SPATA1: variants seen among roughly 807,000 people sequenced by gnomAD.
The protein encoded by SPATA1 is spermatogenesis-associated protein 1.
A neutral mutation model predicts 59.6 loss-of-function variants in SPATA1; 57 were observed. That is an observed-to-expected ratio of 0.96 (90% CI 0.77 to 1.19). The LOEUF is 1.19. Ranked by LOEUF, SPATA1 falls within the 50% of genes most tolerant of loss-of-function variation. The pLI, the probability that SPATA1 is intolerant of heterozygous loss-of-function variation, is 0.00. For missense variants in SPATA1, 448 were observed against 480.7 expected, an observed-to-expected ratio of 0.93 and a Z score of 0.64; for synonymous variants, 147 against 163.9, an observed-to-expected ratio of 0.90 and a Z score of 0.79.
At chr1:84,554,864 A>T (rs1281922140), downstream of SPATA1, 1 of 708,748 alleles carries the variant, frequency 1.4e-6, no homozygotes. Flanking sequence ...AAATTCAAAC[A>T]ATCAAAACAT....
rs182706117 is a variant in SPATA1, at chr1:84,507,788, T to A, written c.-138+1370T>A. The stretch of plus-strand genomic sequence containing the variant: ...GGAAGAGATTTTAGGGAATATATGG[T>A]CCAATAATTACTTCTGTGAGGGAGA... On this transcript the variant is annotated intron_variant, in intron 1 of 12. Coordinates refer to ENST00000490879, the Ensembl canonical transcript of SPATA1. Among the ~76,000 whole-genome samples the A allele has an allele frequency of 1.1e-3, 166 of 152,200 alleles. 2 individuals carry two copies. The highest frequency in any genetic ancestry group is 1.6e-3 in the Non-Finnish European group (109 of 68,006).
chr1:84,516,049 A>AATTTGTC (rs1338885265), intron 1 of SPATA1, among the ~76,000 whole-genome samples, 174 bp from the exon 2 acceptor site: 1 of 152,168 alleles, frequency 6.6e-6, no homozygotes, highest in East Asian at 1.9e-4. Flanking sequence ...ATTATAATGT[A>AATTTGTC]ATTTGTCATG....
At chr1:84,530,547 TC>T (rs1448907976) in intron 6 of SPATA1, among the ~76,000 whole-genome samples, 1 of 152,112 alleles carries the variant, frequency 6.6e-6, no homozygotes, top group East Asian at 1.9e-4. Context: ...GGATTTTAGT[TC>T]TAGAAAAACA....
At chr1:84,546,703 C>A (rs1481225095) in intron 10 of SPATA1, among the ~76,000 whole-genome samples, 1 of 152,146 alleles carries the variant, frequency 6.6e-6, no homozygotes. Flanking sequence ...GTTTACCTGC[C>A]TATTTCCTAT....
At chr1:84,537,609 C>T (rs183962073) in intron 8 of SPATA1, among the ~76,000 whole-genome samples, 39 of 152,280 alleles carry the variant, frequency 2.6e-4, no homozygotes, top group African/African-American at 8.7e-4. Context: ...AATTTCCTTA[C>T]CTTCCTAAAT....
chr1:84,538,625 CT>C (rs962413691), intron 8 of SPATA1, among the ~76,000 whole-genome samples: 5 of 152,082 alleles, frequency 3.3e-5, no homozygotes, highest in African/African-American at 1.2e-4. Flanking sequence ...CTTTGTGGAC[CT>C]TTTTTGGAAT....
intron 9 of SPATA1, among the ~76,000 whole-genome samples, chr1:84,544,554 A>C (rs1289911004): frequency 6.6e-6 from 1 of 151,370 alleles, no homozygotes; most frequent in Non-Finnish European, 1.5e-5. Context: ...AAATTATAGG[A>C]ATTTTATTTT....
downstream of SPATA1, among the ~76,000 whole-genome samples, chr1:84,556,710 CAA>C (rs11417377): frequency 1.9e-4 from 18 of 93,466 alleles, no homozygotes; most frequent in Middle Eastern, 5.3e-3. Context: ...GACTCCGTCT[CAA>C]AAAAAAAAAA....
At position 84,553,098 on chromosome 1, in the gene SPATA1, AT is replaced by A. The variant is rs1222892624; in HGVS notation, c.1289del (p.Ile430LysfsTer40). On this transcript the variant is annotated frameshift_variant, in exon 13 of 13. Transcript: ENST00000490879. LOFTEE classifies it low-confidence loss of function (END_TRUNC). ...AACTGAACTGGCACAGAAAAAAAAA[AT>A]AATACATCTCTACAATCTCAATTAG... is the stretch of plus-strand genomic sequence containing the variant. 6.6e-6 allele frequency: 10 copies of A among 1,519,792 alleles called. No homozygotes were observed. In the South Asian group the frequency reaches 7.7e-5, roughly 12 times the overall value. 94.1% of individuals were successfully genotyped at this position (1,519,792 alleles called of 1,614,324 possible).
downstream of SPATA1, among the ~76,000 whole-genome samples, chr1:84,557,692 A>T (rs569198875): frequency 2.6e-5 from 4 of 151,554 alleles, no homozygotes; most frequent in South Asian, 6.3e-4. Flanking sequence ...CGTCTCTATT[A>T]AAAAAATACA....
chr1:84,546,165 T>A (rs1269187131), intron 10 of SPATA1, among the ~76,000 whole-genome samples: 2 of 152,148 alleles, frequency 1.3e-5, no homozygotes, highest in Non-Finnish European at 2.9e-5. Flanking sequence ...GCATCAATGA[T>A]ACATCCTTGC....
chr1:84,523,081 T>G (rs1423227611), intron 4 of SPATA1, among the ~76,000 whole-genome samples: 1 of 152,012 alleles, frequency 6.6e-6, no homozygotes, highest in Non-Finnish European at 1.5e-5. Flanking sequence ...AGTTTTGTAT[T>G]TTTAGTAGAG....
exon 7 of SPATA1, chr1:84,532,932 C>T: frequency 6.4e-7 from 1 of 1,551,774 alleles, no homozygotes; most frequent in Non-Finnish European, 8.7e-7. Flanking sequence ...TTGCCAGGAT[C>T]ATTGGAAGAT....
intron 4 of SPATA1, among the ~76,000 whole-genome samples, chr1:84,524,156 C>G (rs1683130449): frequency 6.6e-6 from 1 of 151,700 alleles, no homozygotes; most frequent in Non-Finnish European, 1.5e-5. Context: ...CAATTTGGAT[C>G]CTAAAAGAAA....
rs1391822254 is a variant in SPATA1 at position 84,550,526 on chromosome 1, TTAAGG to T, written c.1224_1224+4del. On this transcript the variant is annotated splice_donor_variant and coding_sequence_variant, in exon 12 of 13. Coordinates refer to ENST00000490879, the Ensembl canonical transcript of SPATA1. LOFTEE classifies it high-confidence loss of function. ...GACAAAATGAAACTCATAGTAGAAG[TTAAGG>T]TAATTTACATTTTTCCTAATCAGAT... 1 of 1,525,164 alleles carries T rather than the reference TTAAGG, an allele frequency of 6.6e-7. No homozygotes were observed. Among genetic ancestry groups the T allele is most frequent in the Non-Finnish European group, 8.8e-7 (1 of 1,133,888 alleles). 94.5% of individuals were successfully genotyped at this position (1,525,164 alleles called of 1,614,324 possible).
At chr1:84,539,856 T>C (rs1325496141) in intron 8 of SPATA1, among the ~76,000 whole-genome samples, 2 of 152,212 alleles carry the variant, frequency 1.3e-5, no homozygotes, top group Non-Finnish European at 2.9e-5. Flanking sequence ...TTTATTACTG[T>C]GTTGCTATTT....
chr1:84,529,214 G>A (rs1683358285), intron 6 of SPATA1, among the ~76,000 whole-genome samples: 1 of 152,028 alleles, frequency 6.6e-6, no homozygotes, highest in Non-Finnish European at 1.5e-5. Context: ...ACAAATATAA[G>A]TAATTCTTTT....
rs189055046 is a variant in SPATA1, at chr1:84,521,205, G to C, written c.143+514G>C. Among the ~76,000 whole-genome samples, 18 of 142,656 alleles carry C rather than the reference G, an allele frequency of 1.3e-4. No individual in the cohort carries two copies. In the East Asian group the frequency reaches 4.0e-3, roughly 32 times the overall value. 93.6% of individuals were successfully genotyped at this position (142,656 alleles called of 152,430 possible). A position where few individuals can be genotyped will look rare whatever the true frequency, so the allele number is the denominator to read the frequency against. On this transcript the variant is annotated intron_variant, in intron 3 of 12. Transcript: ENST00000490879. ...GAAGAACGGAAGGAAGGGAGGGAGG[G>C]AGGGAAAACTGCTGATCTGAGAATA...
At chr1:84,518,208 A>G (rs1359936668) in intron 2 of SPATA1, among the ~76,000 whole-genome samples, 1 of 152,198 alleles carries the variant, frequency 6.6e-6, no homozygotes, top group African/African-American at 2.4e-5. Flanking sequence ...TCAAGATGAA[A>G]GTTTTAAAAA....
Sources: gnomAD v4.1 joint callset for allele counts (sites outside exome capture counted in the v4.1 genomes callset) on GRCh38, gnomAD v4.1.1 for gene constraint, MANE v1.5 for transcripts, NCBI Gene and HGNC (gene_info 2026-07-23, HGNC 2026-07-21) for gene names.